The following USP20 variants were observed in gnomAD, a reference collection of about 807,000 sequenced individuals.
The protein encoded by USP20 is ubiquitin specific peptidase 20.
In USP20, 80 loss-of-function variants were observed where a neutral mutation model predicts 124.2. The observed-to-expected ratio is 0.64, with a 90% confidence interval of 0.54 to 0.78. USP20 has a LOEUF of 0.78. USP20 is among the 30% of genes least tolerant of loss of function. The pLI, the probability that USP20 is intolerant of heterozygous loss-of-function variation, is 0.00. For missense variants in USP20, 1,043 were observed against 1,244.4 expected (o/e 0.84, Z 2.44); for synonymous variants, 481 against 512.3 (o/e 0.94, Z 0.83).
Position 129,863,266 on chromosome 9 carries a change from A to G in USP20, c.578A>G (p.Gln193Arg). The G allele has an allele frequency of 6.4e-7, 1 of 1,550,826 alleles. No individual in the cohort carries two copies. Among genetic ancestry groups the G allele is most frequent in the Non-Finnish European group, 8.7e-7 (1 of 1,145,358 alleles). ...AAGCCAGCCCTGTGCAAGAGCTACC[A>G]GAAGCTGGTCTCTGAGGTCTGGCAT... ...DKKPALCKSYQKLVSEVWHKK... is the reference protein window; with the variant it reads ...DKKPALCKSYRKLVSEVWHKK... Residue 193 changes from glutamine (Q) to arginine (R), a missense_variant, in exon 9 of 26, where the codon CAG becomes CGG. Physicochemically the swap from Gln to Arg is conservative, Grantham distance 43. Transcript: ENST00000372429.
rs2033915112 is a variant in USP20, at chr9:129,868,160, G to A, written c.846G>A (p.Glu282=). 6.2e-7 allele frequency: 1 copy of A among 1,614,132 alleles called. No individual in the cohort carries two copies. Residue 282 remains glutamate (E), a synonymous_variant, in exon 11 of 26, where the codon GAG becomes GAA. Transcript: ENST00000372429. ...REGDRSPSED[E]FLSCDSSSDR... Reference sequence around the variant, plus strand: ...GTGACCGGAGCCCATCAGAAGATGAGTTCTTGTCCTGTGACTCGAGCAGTG... The same window carrying A: ...GTGACCGGAGCCCATCAGAAGATGAATTCTTGTCCTGTGACTCGAGCAGTG...
chr9:129,844,796 T>C (rs2032443316), intron 1 of USP20, among the ~76,000 whole-genome samples: 1 of 150,614 alleles, frequency 6.6e-6, no homozygotes, highest in East Asian at 1.9e-4. Context: ...ATCAAATTTA[T>C]GAAAACCAGA....
intron 1 of USP20, among the ~76,000 whole-genome samples, chr9:129,844,281 C>CA (rs1564195986): frequency 6.6e-6 from 1 of 151,318 alleles, no homozygotes; most frequent in South Asian, 2.1e-4. Context: ...ATATATAAAC[C>CA]AAAAAAAGCT....
Position 129,875,403 on chromosome 9 carries a change from C to T in USP20, c.2142C>T (p.Arg714=), listed in dbSNP as rs747398875. 5.0e-6 allele frequency: 8 copies of T among 1,613,660 alleles called. No homozygotes were observed. Among genetic ancestry groups the T allele is most frequent in the South Asian group, 3.3e-5 (3 of 91,076 alleles). The change falls in exon 20 of 26, where the codon CGC becomes CGT. Residue 714 remains arginine (R), a synonymous_variant. Coordinates refer to ENST00000372429, the MANE Select transcript of USP20 (RefSeq NM_001110303.4). ...GCCTGCTGCGGTTCTACGTGTCCCG[C>T]GAGTGGCTCAACAAGTTCAACACCT... ...EPSLLRFYVS[R]EWLNKFNTFA...
chr9:129,880,069 G>C, intron 24 of USP20, 44 bp from the exon 25 acceptor site: 1 of 1,597,106 alleles, frequency 6.3e-7, no homozygotes, highest in South Asian at 1.1e-5. Flanking sequence ...TGGCTTCCTT[G>C]AGGAGGCAAA....
In USP20 at chr9:129,868,305, A is replaced by G; in HGVS notation, c.991A>G (p.Lys331Glu). Reference protein sequence around the residue: ...ISEKERMKDRKFSWGQQRTNS... With the variant: ...ISEKERMKDREFSWGQQRTNS... ...TGAGAAGGAGCGGATGAAGGACCGC[A>G]AGTTCTCCTGGGGCCAGCAGCGTAC... Residue 331 changes from lysine to glutamate, a missense_variant, in exon 11 of 26, where the codon AAG becomes GAG. Lys to Glu is a moderately conservative substitution (Grantham distance 56). Coordinates refer to ENST00000372429, the MANE Select transcript of USP20 (RefSeq NM_001110303.4). The G allele has an allele frequency of 6.2e-7, 1 of 1,613,896 alleles. No homozygotes were observed. Among genetic ancestry groups the G allele is most frequent in the Non-Finnish European group, 8.5e-7 (1 of 1,179,964 alleles).
chr9:129,874,997 C>T (rs556274275), intron 19 of USP20, 42 bp downstream of exon 19: 6 of 1,604,588 alleles, frequency 3.7e-6, no homozygotes, highest in Admixed American at 1.7e-5. Context: ...CTCACCATCC[C>T]CGTCCCCTGG....
rs2033860697 is a variant in USP20, at chr9:129,867,225, C to A, written c.691-780C>A. ...TCTGCTGCCACCACCACGTTCTGACCTCCCAGTGCACCCCCTGTGTGAGCA... is the reference window on the plus strand; with the variant it reads ...TCTGCTGCCACCACCACGTTCTGACATCCCAGTGCACCCCCTGTGTGAGCA... On this transcript the variant is annotated intron_variant, in intron 10 of 25. Coordinates refer to ENST00000372429, the MANE Select transcript of USP20 (RefSeq NM_001110303.4). Among the ~76,000 whole-genome samples, 3 of 152,186 alleles carry A rather than the reference C, an allele frequency of 2.0e-5. No individual in the cohort carries two copies. The South Asian group carries it at 6.2e-4, about 32-fold the overall frequency.
rs534834353 is a variant in USP20 at position 129,861,086 on chromosome 9, C to A, written c.427+53C>A. 3.3e-6 allele frequency: 5 copies of A among 1,536,682 alleles called. No individual in the cohort carries two copies. The East Asian group carries it at 9.0e-5, about 28-fold the overall frequency. On this transcript the variant is annotated intron_variant, in intron 7 of 25. Coordinates refer to ENST00000372429, the MANE Select transcript of USP20 (RefSeq NM_001110303.4). ...GATGGGCTGGGCTGGGGGCCCTCATCTGGAGGCTGGAAACCGCCAGAGTCT... is the reference window on the plus strand; with the variant it reads ...GATGGGCTGGGCTGGGGGCCCTCATATGGAGGCTGGAAACCGCCAGAGTCT...
chr9:129,842,049 A>G (rs948836657), intron 1 of USP20, among the ~76,000 whole-genome samples: 1 of 152,180 alleles, frequency 6.6e-6, no homozygotes, highest in African/African-American at 2.4e-5. Flanking sequence ...CATGCAAATC[A>G]ATAAAAAATC....
In USP20 at chr9:129,876,249, C is replaced by T. The variant is rs755733587; in HGVS notation, c.2409+11C>T. 7.2e-5 allele frequency: 115 copies of T among 1,601,874 alleles called. No individual in the cohort carries two copies. The highest frequency in any genetic ancestry group is 1.4e-4 in the Admixed American group (8 of 58,858). ...GACACCTTCATCAAGGTGCGTGCGG[C>T]GAGGCGGCGCGGGGGCGGCTCTGCC... On this transcript the variant is annotated intron_variant, in intron 22 of 25. Coordinates refer to ENST00000372429, the MANE Select transcript of USP20 (RefSeq NM_001110303.4).
Position 129,878,883 on chromosome 9 carries a change from C to A in USP20, c.2512+443C>A, listed in dbSNP as rs187725846. Among the ~76,000 whole-genome samples the A allele has an allele frequency of 6.6e-5, 10 of 152,374 alleles. No homozygotes were observed. The East Asian group carries it at 1.9e-3, about 29-fold the overall frequency. ...AGCCCACAGGCTCTAAACTATTAAA[C>A]CTGCATTAAAAATTTCGGCTGGGGC... On this transcript the variant is annotated intron_variant, in intron 23 of 25. Transcript: ENST00000372429.
intron 1 of USP20, among the ~76,000 whole-genome samples, chr9:129,848,310 CAAAAA>C (rs976336616): frequency 6.6e-6 from 1 of 151,286 alleles, no homozygotes; most frequent in South Asian, 2.1e-4. Flanking sequence ...CAAAACAAAA[CAAAAA>C]AAACTAGCCA....
chr9:129,846,239 ATATATATATTTTTT>A (rs2032539471), intron 1 of USP20, among the ~76,000 whole-genome samples: 1 of 21,374 alleles, frequency 4.7e-5, no homozygotes, highest in East Asian at 3.7e-3. Context: ...ATATATATAT[ATATATATATTTTTT>A]TTTTTTTTTT....
intron 15 of USP20, 150 bp from the exon 16 acceptor site, chr9:129,873,332 C>T: frequency 1.1e-6 from 1 of 921,542 alleles, no homozygotes; most frequent in Non-Finnish European, 1.7e-6. Context: ...GATCCGCCCG[C>T]CTCGGCCTCC....
intron 9 of USP20, 116 bp downstream of exon 9, chr9:129,863,415 G>T (rs1416093802): frequency 2.6e-6 from 2 of 771,494 alleles, no homozygotes; most frequent in Non-Finnish European, 4.0e-6. Flanking sequence ...GCCTCACTTT[G>T]TCCCGGGTAA....
At chr9:129,870,277 A>G (rs2034052561) in intron 14 of USP20, 176 bp from the exon 15 acceptor site, 2 of 630,404 alleles carry the variant, frequency 3.2e-6, no homozygotes, top group Admixed American at 3.0e-5. Flanking sequence ...CACTCGGCCC[A>G]GGACACGGAC....
Position 129,874,611 on chromosome 9 carries a change from G to T in USP20, c.1776G>T (p.Glu592Asp). ...LCIHLKRFRHEVMYSFKINSH... is the reference protein window; with the variant it reads ...LCIHLKRFRHDVMYSFKINSH... The stretch of plus-strand genomic sequence containing the variant: ...TTCACCTAAAGCGCTTTCGGCACGA[G>T]GTGATGTACTCATTCAAGATCAACA... The change falls in exon 18 of 26, where the codon GAG becomes GAT. Residue 592 changes from glutamate (E) to aspartate (D), a missense_variant. Glu to Asp is a conservative substitution (Grantham distance 45). Transcript: ENST00000372429. The T allele has an allele frequency of 6.2e-7, 1 of 1,613,830 alleles. No homozygotes were observed. The highest frequency in any genetic ancestry group is 8.5e-7 in the Non-Finnish European group (1 of 1,180,012).
intron 6 of USP20, 41 bp downstream of exon 6, chr9:129,858,639 T>C: frequency 6.2e-7 from 1 of 1,606,196 alleles, no homozygotes; most frequent in East Asian, 2.2e-5. Flanking sequence ...TTGGTGACAC[T>C]GTGTTGAGGA....
Sources: gnomAD v4.1 joint callset for allele counts (sites outside exome capture counted in the v4.1 genomes callset) on GRCh38, gnomAD v4.1.1 for gene constraint, MANE v1.5 for transcripts, NCBI Gene and HGNC (gene_info 2026-07-23, HGNC 2026-07-21) for gene names.